The following DNAH14 variants were observed in gnomAD, a reference collection of about 807,000 sequenced individuals.
DNAH14 encodes the protein dynein axonemal heavy chain 14, also known as axonemal beta dynein heavy chain 14.
A neutral mutation model predicts 520.9 loss-of-function variants in DNAH14; 478 were observed. That is an observed-to-expected ratio of 0.92 (90% confidence interval 0.85 to 0.99). DNAH14 has a LOEUF of 0.99. Ranked by LOEUF, DNAH14 falls within the 50% of genes least tolerant of loss-of-function variation. The pLI is 0.00. For synonymous variants in DNAH14, 1,581 were observed against 1,757.2 expected (o/e 0.90, Z 2.51); for missense variants, 4,831 against 5,234.5 (o/e 0.92, Z 2.38).
chr1:225,324,765 C>T lies in DNAH14; in HGVS notation c.9656C>T (p.Ala3219Val), dbSNP rs899392063. 1.3e-5 allele frequency: 20 copies of T among 1,551,316 alleles called. No homozygotes were observed. The African/African-American group carries it at 2.2e-4, about 17-fold the overall frequency. ...KVVGPKQIQV[A>V]EAQNVLKIAR... The stretch of plus-strand genomic sequence containing the variant: ...GTGGGCCCTAAACAAATCCAAGTAG[C>T]TGAAGCTCAAAACGTCCTTAAAATT... The change falls in exon 64 of 86, where the codon GCT (alanine) becomes GTT (valine). Residue 3219 changes from alanine to valine, a missense_variant. Physicochemically the swap from Ala to Val is moderately conservative, Grantham distance 64 (BLOSUM62 0). Coordinates refer to ENST00000682510, the MANE Select transcript of DNAH14 (RefSeq NM_001367479.1).
intron 16 of DNAH14, 81 bp from the exon 17 acceptor site, chr1:225,051,370 T>G: frequency 9.6e-7 from 1 of 1,039,590 alleles, no homozygotes; most frequent in African/African-American, 1.6e-5. Context: ...TTTTATTTTG[T>G]CAGAAACTAT....
chr1:224,954,060 A>G (rs188918571), intron 2 of DNAH14, among the ~76,000 whole-genome samples: 12 of 152,262 alleles, frequency 7.9e-5, no homozygotes, highest in Non-Finnish European at 1.5e-5. Flanking sequence ...GTAAATAACT[A>G]CTACACATTG....
intron 7 of DNAH14, among the ~76,000 whole-genome samples, chr1:224,973,358 C>G (rs2061615201): frequency 6.6e-6 from 1 of 152,222 alleles, no homozygotes; most frequent in Admixed American, 6.5e-5. Context: ...CTCACATTGG[C>G]AAACAAGTAT....
At chr1:225,254,612 C>A (rs954547156) in intron 44 of DNAH14, among the ~76,000 whole-genome samples, 1 of 152,148 alleles carries the variant, frequency 6.6e-6, no homozygotes, top group African/African-American at 2.4e-5. Context: ...TAAAAGTTAA[C>A]TAGTTTTTAA....
rs866265866 is a variant in DNAH14 at position 225,082,579 on chromosome 1, T to C, written c.3167T>C (p.Leu1056Pro). The part of the protein sequence containing the change: ...GLPKSDMVTH[L>P]KQVVTEFKQE... Reference sequence around the variant, plus strand: ...CCTAAAAGCGATATGGTAACACATCTTAAGCAAGTGGTAACAGAGTTTAAA... The same window carrying C: ...CCTAAAAGCGATATGGTAACACATCCTAAGCAAGTGGTAACAGAGTTTAAA... Residue 1056 changes from leucine to proline, a missense_variant, in exon 20 of 86, where the codon CTT becomes CCT. Physicochemically the swap from Leu to Pro is moderately conservative, Grantham distance 98 (BLOSUM62 -3). Transcript: ENST00000682510. The C allele has an allele frequency of 1.3e-6, 2 of 1,551,484 alleles. No homozygotes were observed. Among genetic ancestry groups the C allele is most frequent in the Non-Finnish European group, 1.7e-6 (2 of 1,146,878 alleles).
chr1:225,193,904 A>G (rs2085772249), intron 38 of DNAH14, among the ~76,000 whole-genome samples: 1 of 152,104 alleles, frequency 6.6e-6, no homozygotes, highest in Non-Finnish European at 1.5e-5. Context: ...TACACCAATA[A>G]TGTCCAAGCT....
At chr1:224,964,376 T>C (rs920649473) in intron 4 of DNAH14, 103 bp from the exon 5 acceptor site, 1 of 1,268,440 alleles carries the variant, frequency 7.9e-7, no homozygotes, top group Non-Finnish European at 1.0e-6. Context: ...TTTGTTACCA[T>C]TTAAATTTTT....
intron 10 of DNAH14, among the ~76,000 whole-genome samples, chr1:225,012,287 A>G (rs1016624513): frequency 1.3e-5 from 2 of 152,088 alleles, no homozygotes; most frequent in Non-Finnish European, 2.9e-5. Flanking sequence ...CCCCCACTCT[A>G]TTCTAGCATG....
intron 23 of DNAH14, among the ~76,000 whole-genome samples, chr1:225,112,465 G>T (rs1231106718): frequency 6.6e-6 from 1 of 152,034 alleles, no homozygotes; most frequent in African/African-American, 2.4e-5. Context: ...GGTTAAATCT[G>T]TTTGGTGTTC....
chr1:225,361,897 C>A (rs16844803), intron 75 of DNAH14, among the ~76,000 whole-genome samples: 1 of 152,096 alleles, frequency 6.6e-6, no homozygotes, highest in South Asian at 2.1e-4. Context: ...TATATAATTT[C>A]TCTTTTTCAC....
intron 1 of DNAH14, 67 bp from the exon 2 acceptor site, chr1:224,952,603 A>C: frequency 1.1e-6 from 1 of 869,942 alleles, no homozygotes; most frequent in South Asian, 2.3e-5. Flanking sequence ...TGCCATTTTG[A>C]ATACCAATTG....
At chr1:225,172,976 T>A (rs569632852) in intron 36 of DNAH14, among the ~76,000 whole-genome samples, 1 of 152,322 alleles carries the variant, frequency 6.6e-6, no homozygotes, top group East Asian at 1.9e-4. Flanking sequence ...CTATTGGATC[T>A]TTGACAAACC....
At chr1:224,999,204 T>C (rs2063589007) in intron 8 of DNAH14, among the ~76,000 whole-genome samples, 1 of 152,128 alleles carries the variant, frequency 6.6e-6, no homozygotes, top group Non-Finnish European at 1.5e-5. Context: ...TTGTTTGTTT[T>C]TTTGTTTTGT....
At chr1:224,963,501 G>C (rs2060969921) in intron 4 of DNAH14, among the ~76,000 whole-genome samples, 1 of 151,836 alleles carries the variant, frequency 6.6e-6, no homozygotes. Context: ...ATGATTTATT[G>C]AATAATCGCT....
chr1:225,070,890 A>G (rs2071474202), intron 17 of DNAH14, among the ~76,000 whole-genome samples: 1 of 152,194 alleles, frequency 6.6e-6, no homozygotes, highest in Non-Finnish European at 1.5e-5. Flanking sequence ...TATATTTAGG[A>G]TAGTTAGGTT....
At chr1:225,163,137 CAAAAA>C (rs34356854) in intron 35 of DNAH14, among the ~76,000 whole-genome samples, 9 of 53,682 alleles carry the variant, frequency 1.7e-4, no homozygotes, top group African/African-American at 4.7e-4. Flanking sequence ...GACCCTATCT[CAAAAA>C]AAAAAAAAAA....
intron 8 of DNAH14, among the ~76,000 whole-genome samples, chr1:224,977,959 A>G (rs1033149795): frequency 1.3e-5 from 2 of 152,220 alleles, no homozygotes; most frequent in African/African-American, 2.4e-5. Flanking sequence ...CAAAACCACA[A>G]TGAGATATCA....
Position 225,152,005 on chromosome 1 carries a change from G to C in DNAH14, c.4941G>C (p.Arg1647Ser). Residue 1647 changes from arginine (R) to serine (S), a missense_variant and splice_region_variant, in exon 32 of 86, where the codon AGG (arginine) becomes AGC (serine). Arg to Ser is a moderately radical substitution (Grantham distance 110). Coordinates refer to ENST00000682510, the MANE Select transcript of DNAH14 (RefSeq NM_001367479.1). ...TGATGAATACTGTAATGTCTTTTAG[G>C]TTTGTACTGGAAGGAAAAGAAATTC... The part of the protein sequence containing the change: ...IKAAKDNYSA[R>S]FVLEGKEIRI... The C allele has an allele frequency of 3.2e-6, 5 of 1,551,304 alleles. No individual in the cohort carries two copies. Among genetic ancestry groups the C allele is most frequent in the Non-Finnish European group, 4.4e-6 (5 of 1,146,658 alleles).
intron 24 of DNAH14, 25 bp downstream of exon 24, chr1:225,117,813 C>A: frequency 6.6e-7 from 1 of 1,523,636 alleles, no homozygotes; most frequent in Non-Finnish European, 8.9e-7. Flanking sequence ...CTCTGCTCAG[C>A]AATATTATAT....
Sources: gnomAD v4.1 joint callset for allele counts (sites outside exome capture counted in the v4.1 genomes callset) on GRCh38, gnomAD v4.1.1 for gene constraint, MANE v1.5 for transcripts, NCBI Gene and HGNC (gene_info 2026-07-23, HGNC 2026-07-21) for gene names.